The following TBCK variants were observed in gnomAD, a reference collection of about 807,000 sequenced individuals.
TBCK encodes the protein TBC1 domain containing kinase.
In TBCK, 99 loss-of-function variants were observed where a neutral mutation model predicts 113.4. That is an observed-to-expected ratio of 0.87 (90% CI 0.74 to 1.03). TBCK has a LOEUF of 1.03. Among genes scored for constraint, TBCK ranks in the 50% least tolerant of loss-of-function variants. TBCK has a pLI of 0.00. For synonymous variants in TBCK, 369 were observed against 370.8 expected (o/e 1.00, Z 0.05); for missense variants, 1,045 against 1,061.3 (o/e 0.98, Z 0.21).
intron 20 of TBCK, among the ~76,000 whole-genome samples, chr4:106,199,196 T>G (rs985885058): frequency 6.6e-6 from 1 of 152,162 alleles, no homozygotes. Context: ...ATCAATAATT[T>G]CTATGTCATT....
chr4:106,187,832 G>A (rs1753201347), intron 22 of TBCK, among the ~76,000 whole-genome samples: 1 of 152,122 alleles, frequency 6.6e-6, no homozygotes, highest in African/African-American at 2.4e-5. Flanking sequence ...GTGAGATTGT[G>A]TTCTTGATTG....
rs138557782 is a variant in TBCK, at chr4:106,076,015, T to C, written c.2571+19467A>G. ...GTGTGATTTATAGAGTCATACAGACTGGTGTTTCAATCCTGGCTCTGACAC... is the reference window on the plus strand; with the variant it reads ...GTGTGATTTATAGAGTCATACAGACCGGTGTTTCAATCCTGGCTCTGACAC... On this transcript the variant is annotated intron_variant, in intron 25 of 25. Coordinates refer to ENST00000394708, the MANE Select transcript of TBCK (RefSeq NM_001163435.3). Among the ~76,000 whole-genome samples the C allele has an allele frequency of 8.4e-3, 1,283 of 152,334 alleles. 15 individuals are homozygous for C. Among genetic ancestry groups the C allele is most frequent in the Non-Finnish European group, 0.012 (813 of 68,038 alleles).
intron 22 of TBCK, among the ~76,000 whole-genome samples, chr4:106,175,147 G>GA (rs112637278): frequency 1.2e-4 from 18 of 146,288 alleles, no homozygotes; most frequent in East Asian, 1.2e-3. Context: ...AAAAAAAAAA[G>GA]AAAAAAAAAT....
intron 18 of TBCK, 117 bp from the exon 19 acceptor site, chr4:106,230,563 A>G: frequency 2.1e-6 from 1 of 468,706 alleles, no homozygotes; most frequent in Non-Finnish European, 3.7e-6. Flanking sequence ...CAGTTATGAT[A>G]GCCAAGTGCT....
At chr4:106,158,609 T>TA (rs1002786231) in intron 23 of TBCK, among the ~76,000 whole-genome samples, 7 of 151,752 alleles carry the variant, frequency 4.6e-5, no homozygotes, top group Non-Finnish European at 8.8e-5. Flanking sequence ...CAGAAAGAGT[T>TA]AAAAAATCTA....
intron 23 of TBCK, chr4:106,163,327 T>C (rs1750001237): frequency 6.6e-6 from 1 of 152,220 alleles, no homozygotes; most frequent in Non-Finnish European, 1.5e-5. Context: ...GTATTCCAAG[T>C]CTCTAGGAAG....
chr4:106,214,207 A>G (rs1756558886), intron 19 of TBCK, among the ~76,000 whole-genome samples: 1 of 152,250 alleles, frequency 6.6e-6, no homozygotes, highest in Admixed American at 6.5e-5. Context: ...CCACACCAAA[A>G]ACCCATCTGT....
intron 23 of TBCK, among the ~76,000 whole-genome samples, chr4:106,130,158 G>A (rs913974318): frequency 2.0e-5 from 3 of 152,048 alleles, no homozygotes; most frequent in African/African-American, 7.2e-5. Context: ...CCTAATTTGA[G>A]GGTACTAATT....
At chr4:106,106,580 C>T (rs1234134580) in intron 24 of TBCK, among the ~76,000 whole-genome samples, 1 of 152,178 alleles carries the variant, frequency 6.6e-6, no homozygotes, top group Non-Finnish European at 1.5e-5. Context: ...AGATCCTTTT[C>T]AGATAAGCAA....
At chr4:106,274,007 G>C (rs1414680933) in intron 3 of TBCK, among the ~76,000 whole-genome samples, 1 of 152,132 alleles carries the variant, frequency 6.6e-6, no homozygotes, top group Admixed American at 6.5e-5. Context: ...CTCAGCTATG[G>C]CTTAAAGAAG....
chr4:106,093,927 T>C (rs1740617082), intron 25 of TBCK, among the ~76,000 whole-genome samples: 1 of 152,174 alleles, frequency 6.6e-6, no homozygotes, highest in Admixed American at 6.5e-5. Context: ...GATGTGTCAA[T>C]GAAGGTTCAT....
chr4:106,107,109 C>G (rs1175989903), intron 24 of TBCK, among the ~76,000 whole-genome samples: 4 of 151,830 alleles, frequency 2.6e-5, no homozygotes, highest in Admixed American at 2.6e-4. Context: ...TATATGAACC[C>G]AATACAGGAG....
intron 25 of TBCK, among the ~76,000 whole-genome samples, chr4:106,059,323 T>C (rs1335037502): frequency 2.0e-5 from 3 of 151,878 alleles, no homozygotes; most frequent in South Asian, 2.1e-4. Flanking sequence ...TTTTAACCAA[T>C]TGAAGGGTTG....
At chr4:106,058,377 T>C (rs1578770722) in intron 25 of TBCK, among the ~76,000 whole-genome samples, 1 of 151,732 alleles carries the variant, frequency 6.6e-6, no homozygotes, top group African/African-American at 2.4e-5. Flanking sequence ...GAAGGAAGCA[T>C]GGGATTTATC....
intron 23 of TBCK, among the ~76,000 whole-genome samples, chr4:106,122,295 G>A (rs1428482561): frequency 3.3e-5 from 5 of 152,168 alleles, no homozygotes; most frequent in South Asian, 2.1e-4. Flanking sequence ...TAAATTCCTC[G>A]ACACATACAC....
intron 25 of TBCK, among the ~76,000 whole-genome samples, chr4:106,085,794 A>C (rs530367788): frequency 4.9e-4 from 74 of 152,320 alleles, no homozygotes; most frequent in Middle Eastern, 3.4e-3. Flanking sequence ...AGGATTAAGA[A>C]ACTCACTCAA....
intron 23 of TBCK, among the ~76,000 whole-genome samples, chr4:106,120,997 T>A (rs1322487526): frequency 6.6e-6 from 1 of 152,084 alleles, no homozygotes; most frequent in African/African-American, 2.4e-5. Flanking sequence ...AGAAGAAGGC[T>A]TCAGACGATC....
chr4:106,303,495 A>T (rs1333740907), intron 2 of TBCK, among the ~76,000 whole-genome samples: 1 of 152,152 alleles, frequency 6.6e-6, no homozygotes, highest in Non-Finnish European at 1.5e-5. Flanking sequence ...CTGAAGCTGC[A>T]ATTTTAAACT....
At chr4:106,168,740 A>G (rs1402834929) in intron 23 of TBCK, among the ~76,000 whole-genome samples, 3 of 151,950 alleles carry the variant, frequency 2.0e-5, no homozygotes, top group Non-Finnish European at 4.4e-5. Flanking sequence ...TTACATCAGC[A>G]TTCCTCAAAA....
Sources: gnomAD v4.1 joint callset for allele counts (sites outside exome capture counted in the v4.1 genomes callset) on GRCh38, gnomAD v4.1.1 for gene constraint, MANE v1.5 for transcripts, NCBI Gene and HGNC (gene_info 2026-07-23, HGNC 2026-07-21) for gene names.